ANKRD11: variants seen among roughly 807,000 people sequenced by gnomAD.
ANKRD11 encodes the protein ankyrin repeat domain-containing protein 11.
A neutral mutation model predicts 195.7 loss-of-function variants in ANKRD11; 17 were observed. The ratio of observed to expected loss-of-function variants is 0.09; its 90% confidence interval spans 0.06 to 0.13. The LOEUF (loss-of-function observed/expected upper bound fraction) is 0.13, where lower values mean the gene tolerates loss of function less well. Among genes scored for constraint, ANKRD11 ranks in the 10% least tolerant of loss-of-function variants. ANKRD11 has a pLI of 1.00. For synonymous variants in ANKRD11, 1,953 were observed against 1,528.1 expected (o/e 1.28, Z -6.49); for missense variants, 3,735 against 3,566.1 (o/e 1.05, Z -1.21).
At chr16:89,405,549 GTC>G (rs919697185) in intron 2 of ANKRD11, among the ~76,000 whole-genome samples, 4 of 149,642 alleles carry the variant, frequency 2.7e-5, no homozygotes, top group African/African-American at 9.9e-5. Flanking sequence ...GTCCGGGCTG[GTC>G]TCGAACTCCT....
chr16:89,441,062 C>T (rs542547490), intron 1 of ANKRD11, among the ~76,000 whole-genome samples: 47 of 152,000 alleles, frequency 3.1e-4, no homozygotes, highest in African/African-American at 1.1e-3. Flanking sequence ...ACCGTGAAAC[C>T]CTGTCTCTAC....
intron 4 of ANKRD11, among the ~76,000 whole-genome samples, chr16:89,295,337 C>T (rs576428848): frequency 4.6e-5 from 7 of 152,344 alleles, no homozygotes; most frequent in Admixed American, 3.9e-4. Context: ...GGCGGTGGCA[C>T]CTGTGTCCGC....
rs545199602 is a variant in ANKRD11 at position 89,376,785 on chromosome 16, G to GA, written c.-60+41498dup. ...GCAGGTGAAACTCCCCTATTCTGGCGAAAAAAATCCTGTAAGAACATTTGT... is the reference window on the plus strand; with the variant it reads ...GCAGGTGAAACTCCCCTATTCTGGCGAAAAAAAATCCTGTAAGAACATTTGT... On this transcript the variant is annotated intron_variant, in intron 2 of 12. Transcript: ENST00000301030. Among the ~76,000 whole-genome samples the GA allele has an allele frequency of 1.9e-3, 290 of 152,186 alleles. 1 individual carries two copies. Among genetic ancestry groups the GA allele is most frequent in the African/African-American group, 6.3e-3 (263 of 41,522 alleles).
At chr16:89,427,179 AAAG>A (rs1445574931) in intron 1 of ANKRD11, among the ~76,000 whole-genome samples, 1 of 152,254 alleles carries the variant, frequency 6.6e-6, no homozygotes, top group Non-Finnish European at 1.5e-5. Flanking sequence ...ACAGCATCAA[AAAG>A]AATATTTAGC....
chr16:89,419,546 GA>G lies in ANKRD11; in HGVS notation c.-144-1179del, dbSNP rs541751976. Among the ~76,000 whole-genome samples, 11 of 151,526 alleles carry G rather than the reference GA, an allele frequency of 7.3e-5. No individual in the cohort carries two copies. The South Asian group carries it at 1.5e-3, about 20-fold the overall frequency. On this transcript the variant is annotated intron_variant, in intron 1 of 12. Coordinates refer to ENST00000301030, the MANE Select transcript of ANKRD11 (RefSeq NM_013275.6). Reference sequence around the variant, plus strand: ...ATAAAACAAACCAGTCTAAATGGGGGAAAAAAAATCTATACCCATGTTACTT... The same window carrying G: ...ATAAAACAAACCAGTCTAAATGGGGGAAAAAAATCTATACCCATGTTACTT...
rs540008169 is a variant in ANKRD11, at chr16:89,402,824, G to A, written c.-60+15460C>T. ...GGGTTCTGCGGAATGAGGTTGGGGG[G>A]GCGGCACTGCGGGAGGAGGTGGGCG... On this transcript the variant is annotated intron_variant, in intron 2 of 12. Transcript: ENST00000301030. Among the ~76,000 whole-genome samples the A allele has an allele frequency of 1.5e-3, 224 of 145,920 alleles. 1 individual carries two copies. Among genetic ancestry groups the A allele is most frequent in the African/African-American group, 5.5e-3 (216 of 39,416 alleles).
At chr16:89,330,977 G>C (rs953015189) in intron 2 of ANKRD11, among the ~76,000 whole-genome samples, 74 of 152,240 alleles carry the variant, frequency 4.9e-4, no homozygotes, top group African/African-American at 1.7e-3. Flanking sequence ...TTCTTGAGAC[G>C]GAGTCTCACT....
intron 2 of ANKRD11, among the ~76,000 whole-genome samples, chr16:89,372,127 G>A (rs549278416): frequency 3.3e-5 from 5 of 152,306 alleles, no homozygotes; most frequent in East Asian, 3.9e-4. Flanking sequence ...ATGCACACAC[G>A]GGCAACTTTA....
intron 1 of ANKRD11, among the ~76,000 whole-genome samples, chr16:89,480,434 A>ATGTG (rs2057407374): frequency 6.7e-6 from 1 of 149,984 alleles, no homozygotes; most frequent in Non-Finnish European, 1.5e-5. Context: ...CCGAGATCAC[A>ATGTG]CCACTGCACT....
intron 1 of ANKRD11, among the ~76,000 whole-genome samples, chr16:89,488,790 T>C (rs1474464252): frequency 6.6e-6 from 1 of 152,210 alleles, no homozygotes; most frequent in Non-Finnish European, 1.5e-5. Flanking sequence ...ATTTCAAGTG[T>C]TAAGGATATT....
intron 3 of ANKRD11, among the ~76,000 whole-genome samples, chr16:89,308,017 C>G (rs996366462): frequency 6.6e-6 from 1 of 151,676 alleles, no homozygotes; most frequent in Non-Finnish European, 1.5e-5. Flanking sequence ...TGTGAAGGTT[C>G]TACCCAACAT....
rs550951912 is a variant in ANKRD11, at chr16:89,460,423, G to A, written c.-145+29822C>T. ...AAATACAAAAAATTAGCCGGGCGTG[G>A]TGCCAGGTGCCTGTAATCCCAGCTA... On this transcript the variant is annotated intron_variant, in intron 1 of 12. Coordinates refer to ENST00000301030, the MANE Select transcript of ANKRD11 (RefSeq NM_013275.6). Among the ~76,000 whole-genome samples the A allele has an allele frequency of 2.0e-5, 3 of 152,252 alleles. No homozygotes were observed. In the South Asian group the frequency reaches 6.2e-4, roughly 32 times the overall value.
intron 9 of ANKRD11, among the ~76,000 whole-genome samples, chr16:89,275,786 T>TCGGC (rs2033604441): frequency 6.6e-6 from 1 of 151,882 alleles, no homozygotes; most frequent in Non-Finnish European, 1.5e-5. Context: ...CAGAGGTGGG[T>TCGGC]CGGCCATTCT....
chr16:89,350,190 G>A (rs945871425), intron 2 of ANKRD11, among the ~76,000 whole-genome samples: 12 of 152,160 alleles, frequency 7.9e-5, no homozygotes, highest in African/African-American at 1.9e-4. Flanking sequence ...ACCATGTAAC[G>A]GCAAGGACAG....
intron 1 of ANKRD11, among the ~76,000 whole-genome samples, chr16:89,428,031 A>G (rs1423036098): frequency 2.0e-5 from 3 of 150,326 alleles, no homozygotes; most frequent in East Asian, 2.0e-4. Context: ...AACATGGTGA[A>G]ACGCCATCTC....
At chr16:89,303,224 C>A (rs1429014019) in intron 4 of ANKRD11, among the ~76,000 whole-genome samples, 2 of 152,352 alleles carry the variant, frequency 1.3e-5, no homozygotes, top group Admixed American at 6.5e-5. Flanking sequence ...CCTCAAAGGT[C>A]TGAGGCCAAC....
chr16:89,343,300 A>G (rs1264345453), intron 2 of ANKRD11, among the ~76,000 whole-genome samples: 1 of 152,180 alleles, frequency 6.6e-6, no homozygotes, highest in South Asian at 2.1e-4. Flanking sequence ...GCCTGAGCGC[A>G]TTTTTTAAAA....
rs74033734 is a variant in ANKRD11 at position 89,285,246 on chromosome 16, C to A, written c.1296G>T (p.Thr432=). ...TGEKLRLSAH[T]ILPGSKTREP... ...CTCGTGTCTTACTACCAGGCAATAT[C>A]GTATGTGCCGAGAGTCTCAGCTTCT... The change falls in exon 9 of 13, where the codon ACG becomes ACT. Residue 432 remains threonine, a synonymous_variant. Transcript: ENST00000301030. The surrounding 1 kb of genome is among the most constrained non-coding windows in gnomAD (Gnocchi z 5.6). 4.3e-6 allele frequency: 7 copies of A among 1,613,632 alleles called. No individual in the cohort carries two copies. The highest frequency in any genetic ancestry group is 5.9e-6 in the Non-Finnish European group (7 of 1,180,034).
rs552545247 is a variant in ANKRD11, at chr16:89,280,965, C to T, written c.5577G>A (p.Ser1859=). 1.5e-5 allele frequency: 23 copies of T among 1,569,932 alleles called. No individual in the cohort carries two copies. The highest frequency in any genetic ancestry group is 9.5e-5 in the African/African-American group (7 of 73,490). ...GYYSPDYGLP[S]PKVDALHCPP... Reference sequence around the variant, plus strand: ...GGCAGTGCAAAGCGTCGACTTTGGGCGACGGGAGGCCATAGTCTGGGGAGT... The same window carrying T: ...GGCAGTGCAAAGCGTCGACTTTGGGTGACGGGAGGCCATAGTCTGGGGAGT... The change falls in exon 9 of 13, where the codon TCG becomes TCA. Residue 1859 remains serine (S), a synonymous_variant. Transcript: ENST00000301030.
Sources: gnomAD v4.1 joint callset for allele counts (sites outside exome capture counted in the v4.1 genomes callset) on GRCh38, gnomAD v4.1.1 for gene constraint, Gnocchi (gnomAD v3.1) non-coding constraint, MANE v1.5 for transcripts, NCBI Gene and HGNC (gene_info 2026-07-23, HGNC 2026-07-21) for gene names.